The following ZNF626 variants were observed in gnomAD, a reference collection of about 807,000 sequenced individuals.
ZNF626 encodes CTC-513N18.7.
Under a neutral mutation model 11.7 loss-of-function variants are expected in ZNF626, and 4 were observed. The ratio of observed to expected loss-of-function variants is 0.34; its 90% CI spans 0.17 to 0.78. ZNF626 has a LOEUF of 0.78. ZNF626 is among the 30% of genes least tolerant of loss of function. The pLI is 0.57. For missense variants in ZNF626, 588 were observed against 587.1 expected (o/e 1.00, Z -0.01); for synonymous variants, 179 against 198.6 (o/e 0.90, Z 0.83).
chr19:20,640,707 T>C (rs1194129076), intron 3 of ZNF626, among the ~76,000 whole-genome samples: 1 of 150,158 alleles, frequency 6.7e-6, no homozygotes, highest in Non-Finnish European at 1.5e-5. Context: ...CACATTAGAA[T>C]GGCCACTATA....
At chr19:20,629,295 G>A (rs1278356523) in intron 3 of ZNF626, among the ~76,000 whole-genome samples, 3 of 152,136 alleles carry the variant, frequency 2.0e-5, no homozygotes, top group Non-Finnish European at 4.4e-5. Context: ...GAACTTTAAA[G>A]TAGTTTTTTC....
intron 1 of ZNF626, among the ~76,000 whole-genome samples, chr19:20,653,025 T>C (rs532175378): frequency 1.3e-5 from 2 of 152,296 alleles, no homozygotes; most frequent in African/African-American, 4.8e-5. Flanking sequence ...AAATCTGATC[T>C]AGACTCTCTA....
chr19:20,625,653 G>C lies in ZNF626; in HGVS notation c.227-3C>G. 1 of 1,523,208 alleles carries C rather than the reference G, an allele frequency of 6.6e-7. No individual in the cohort carries two copies. The highest frequency in any genetic ancestry group is 1.4e-5 in the South Asian group (1 of 73,348). The allele number at this position is 1,523,208 out of a possible 1,614,324, so 94.4% of individuals were successfully genotyped here. A position where few individuals can be genotyped will look rare whatever the true frequency, so the allele number is the denominator to read the frequency against. ...TTGGGCAAAATGAGAACACATTACTGAAAGAAACAATAAAAACACATTACT... is the reference window on the plus strand; with the variant it reads ...TTGGGCAAAATGAGAACACATTACTCAAAGAAACAATAAAAACACATTACT... On this transcript the variant is annotated splice_region_variant and splice_polypyrimidine_tract_variant and intron_variant, in intron 3 of 3. Transcript: ENST00000601440.
chr19:20,621,693 A>G lies in ZNF626; in HGVS notation c.*2597T>C, dbSNP rs1374933937. On this transcript the variant is annotated 3_prime_UTR_variant, in exon 4 of 4. Coordinates refer to ENST00000601440, the MANE Select transcript of ZNF626 (RefSeq NM_001076675.3). ...AATAATAAATTAAGAAAAAAGATTA[A>G]AAATTTAACTAACGGGAACAATATT... is the stretch of plus-strand genomic sequence containing the variant. 1 of 152,174 alleles carries G rather than the reference A, an allele frequency of 6.6e-6. No individual in the cohort carries two copies. The highest frequency in any genetic ancestry group is 1.5e-5 in the Non-Finnish European group (1 of 68,026). The allele number at this position is 152,174 out of a possible 1,614,324, so 9.4% of individuals were successfully genotyped here.
chr19:20,650,246 T>TAAAA (rs74172355), intron 1 of ZNF626, among the ~76,000 whole-genome samples: 22,696 of 144,630 alleles, frequency 0.16, 2,266 homozygotes, highest in East Asian at 0.28. Context: ...TCAAATTTGT[T>TAAAA]AAAAAAAAAA....
At position 20,625,475 on chromosome 19, in the gene ZNF626, G is replaced by C; in HGVS notation, c.402C>G (p.Asn134Lys). The change falls in exon 4 of 4, where the codon AAC (asparagine) becomes AAG (lysine). Residue 134 changes from asparagine to lysine, a missense_variant. Around this residue, in one of 4 missense-constraint regions of ZNF626, gnomAD observed 524 missense variants for 470.1 expected, o/e 1.11. Transcript: ENST00000601440. ...TTCTTGGGGTAGTTGTCAAACATTGGTTAAGTTCATTATAACCTTCTTTGT... is the reference window on the plus strand; with the variant it reads ...TTCTTGGGGTAGTTGTCAAACATTGCTTAAGTTCATTATAACCTTCTTTGT... ...KVHKEGYNEL[N>K]QCLTTTPRKI... 6.2e-7 allele frequency: 1 copy of C among 1,614,002 alleles called. No individual in the cohort carries two copies.
chr19:20,660,470 A>T (rs1341651937), intron 1 of ZNF626, among the ~76,000 whole-genome samples: 1 of 151,978 alleles, frequency 6.6e-6, no homozygotes, highest in African/African-American at 2.4e-5. Context: ...TTTGTCACGC[A>T]GGCTGGAGCG....
At chr19:20,643,632 G>A (rs1970046175) in intron 3 of ZNF626, among the ~76,000 whole-genome samples, 1 of 152,034 alleles carries the variant, frequency 6.6e-6, no homozygotes, top group Non-Finnish European at 1.5e-5. Context: ...AATAATAAAA[G>A]TGCTCTATTT....
At position 20,625,212 on chromosome 19, in the gene ZNF626, A is replaced by C. The variant is rs782056591; in HGVS notation, c.665T>G (p.Ile222Ser). 9.9e-6 allele frequency: 16 copies of C among 1,612,492 alleles called. No homozygotes were observed. Among genetic ancestry groups the C allele is most frequent in the Non-Finnish European group, 1.4e-5 (16 of 1,179,848 alleles). Residue 222 changes from isoleucine (I) to serine (S), a missense_variant, in exon 4 of 4, where the codon ATT becomes AGT. Physicochemically the swap from Ile to Ser is moderately radical, Grantham distance 142. Coordinates refer to ENST00000601440, the MANE Select transcript of ZNF626 (RefSeq NM_001076675.3). ...TTTGTAGGGTTTCTCTCCAGTATGA[A>C]TTTTCTTATGTCTAGTAAGGCTACA... is the stretch of plus-strand genomic sequence containing the variant. Reference protein sequence around the residue: ...HSCSLTRHKKIHTGEKPYKCE... With the variant: ...HSCSLTRHKKSHTGEKPYKCE...
chr19:20,659,899 C>T (rs1970245491), intron 1 of ZNF626, among the ~76,000 whole-genome samples: 1 of 152,050 alleles, frequency 6.6e-6, no homozygotes, highest in Non-Finnish European at 1.5e-5. Flanking sequence ...AATGAAGGCT[C>T]CTTCCGTGGC....
chr19:20,627,824 A>T (rs1414970869), intron 3 of ZNF626, among the ~76,000 whole-genome samples: 1 of 152,166 alleles, frequency 6.6e-6, no homozygotes, highest in Non-Finnish European at 1.5e-5. Context: ...ACATGTGCAC[A>T]ACGTGCAGGT....
intron 3 of ZNF626, 147 bp downstream of exon 3, chr19:20,645,537 A>C (rs908059746): frequency 9.7e-5 from 150 of 1,549,430 alleles, no homozygotes; most frequent in South Asian, 1.8e-4. Flanking sequence ...AAAAAACCAA[A>C]CAAACAAACA....
intron 1 of ZNF626, among the ~76,000 whole-genome samples, chr19:20,650,925 A>C (rs782408623): frequency 2.0e-5 from 3 of 152,194 alleles, no homozygotes; most frequent in Non-Finnish European, 4.4e-5. Flanking sequence ...CTGGTGGCTC[A>C]TGCCTGTAAT....
At chr19:20,647,893 T>C (rs1355245106) in intron 1 of ZNF626, among the ~76,000 whole-genome samples, 5 of 151,914 alleles carry the variant, frequency 3.3e-5, no homozygotes, top group Admixed American at 3.3e-4. Flanking sequence ...ACCATAAACA[T>C]CAGTTTTAGG....
intron 3 of ZNF626, among the ~76,000 whole-genome samples, chr19:20,628,271 T>C (rs1211552789): frequency 1.1e-4 from 17 of 152,184 alleles, no homozygotes; most frequent in Admixed American, 4.6e-4. Context: ...GCAGCATGAT[T>C]TATAATCCTT....
intron 3 of ZNF626, 101 bp downstream of exon 3, chr19:20,645,583 G>C: frequency 6.4e-7 from 1 of 1,553,306 alleles, no homozygotes. Flanking sequence ...ATTTCCTTTG[G>C]AACACAGCTC....
chr19:20,654,170 G>C (rs1393121209), intron 1 of ZNF626, among the ~76,000 whole-genome samples: 2 of 152,224 alleles, frequency 1.3e-5, no homozygotes, highest in Non-Finnish European at 2.9e-5. Flanking sequence ...GCTGGGCGCA[G>C]TGGCTCAAGC....
At position 20,646,332 on chromosome 19, in the gene ZNF626, C is replaced by T. The variant is rs868989072; in HGVS notation, c.77G>A (p.Arg26Gln). The T allele has an allele frequency of 5.0e-6, 8 of 1,613,908 alleles. No homozygotes were observed. The South Asian group carries it at 6.6e-5, about 13-fold the overall frequency. ...EEWHCLDTAQRNLYRNVMLEN... is the reference protein window; with the variant it reads ...EEWHCLDTAQQNLYRNVMLEN... ...TAACATCACATTCCTATATAAATTC[C>T]GCTGTGCAGTGTCCAGGCAATGCCA... Residue 26 changes from arginine (R) to glutamine (Q), a missense_variant, in exon 2 of 4, where the codon CGG becomes CAG. Arg to Gln is a conservative substitution (Grantham distance 43). Transcript: ENST00000601440.
chr19:20,641,744 G>A lies in ZNF626; in HGVS notation c.226+3940C>T, dbSNP rs531995519. On this transcript the variant is annotated intron_variant, in intron 3 of 3. Transcript: ENST00000601440. ...TTATTAATTTTTTTTTTTATAGAAA[G>A]GGGTCTCCATATGTTCCCCAGGCTG... Among the ~76,000 whole-genome samples, 96 of 151,364 alleles carry A rather than the reference G, an allele frequency of 6.3e-4. 2 individuals are homozygous for A. The South Asian group carries it at 0.02, about 31-fold the overall frequency.
Sources: allele counts gnomAD v4.1 joint callset (sites outside exome capture counted in the v4.1 genomes callset), GRCh38; gene constraint gnomAD v4.1.1; regional missense constraint gnomAD v4.1.1; transcripts MANE v1.5; gene names NCBI Gene and HGNC (gene_info 2026-07-23, HGNC 2026-07-21).